LEPROTL1: variants seen among roughly 807,000 people sequenced by gnomAD.
LEPROTL1 encodes the protein leptin receptor overlapping transcript-like 1.
LEPROTL1 carries 6 observed loss-of-function variants against 15.4 expected under a neutral mutation model. That is an observed-to-expected ratio of 0.39 (90% CI 0.21 to 0.77). The LOEUF (loss-of-function observed/expected upper bound fraction) is 0.77. LEPROTL1 is among the 30% of genes least tolerant of loss of function. LEPROTL1 has a pLI of 0.41. For synonymous variants in LEPROTL1, 56 were observed against 52.6 expected (o/e 1.06, Z -0.28); for missense variants, 128 against 158.1 (o/e 0.81, Z 1.02).
At chr8:30,095,663 C>T in intron 1 of LEPROTL1, 135 bp downstream of exon 1, 2 of 744,694 alleles carry the variant, frequency 2.7e-6, no homozygotes, top group Non-Finnish European at 3.9e-6. Flanking sequence ...AAGCGACCCC[C>T]GCCCCGGCCC....
chr8:30,102,894 C>T (rs953856652), intron 2 of LEPROTL1, among the ~76,000 whole-genome samples: 2 of 152,018 alleles, frequency 1.3e-5, no homozygotes, highest in Non-Finnish European at 2.9e-5. Context: ...GGGGGGAGTA[C>T]ACATAGATAG....
intron 2 of LEPROTL1, among the ~76,000 whole-genome samples, chr8:30,103,468 C>T (rs1265357217): frequency 2.0e-5 from 3 of 152,064 alleles, no homozygotes; most frequent in African/African-American, 4.8e-5. Context: ...TGGTCAGGCG[C>T]AGTGGCTCAT....
intron 4 of LEPROTL1, chr8:30,132,743 G>A (rs142642163): frequency 6.4e-7 from 1 of 1,551,728 alleles, no homozygotes; most frequent in East Asian, 2.4e-5. Flanking sequence ...GGGAAAAAGA[G>A]CAAGTAGCTG....
In LEPROTL1 at chr8:30,105,919, G is replaced by T. The variant is rs73669623; in HGVS notation, c.*57G>T. Reference sequence around the variant, plus strand: ...TTCCTGTCATTTGTTGGCCATTCACGCACACAGGAGATGGGGCAGTTAATG... The same window carrying T: ...TTCCTGTCATTTGTTGGCCATTCACTCACACAGGAGATGGGGCAGTTAATG... On this transcript the variant is annotated 3_prime_UTR_variant, in exon 4 of 4. Coordinates refer to ENST00000321250, the MANE Select transcript of LEPROTL1 (RefSeq NM_015344.3). 2.1e-6 allele frequency: 3 copies of T among 1,421,620 alleles called. No individual in the cohort carries two copies. The South Asian group carries it at 4.7e-5, about 22-fold the overall frequency. The allele number at this position is 1,421,620 out of a possible 1,614,324, so 88.1% of individuals were successfully genotyped here.
intron 3 of LEPROTL1, among the ~76,000 whole-genome samples, chr8:30,120,963 A>G (rs1802819889): frequency 6.6e-6 from 1 of 152,146 alleles, no homozygotes. Flanking sequence ...TCGCATGACA[A>G]ACTCTACTCC....
chr8:30,127,168 G>A (rs1235536240), intron 3 of LEPROTL1, among the ~76,000 whole-genome samples: 1 of 152,170 alleles, frequency 6.6e-6, no homozygotes, highest in Non-Finnish European at 1.5e-5. Flanking sequence ...CTCTTAGAAA[G>A]GCTAATGCTA....
At chr8:30,099,785 GA>G (rs1238363399) in intron 1 of LEPROTL1, among the ~76,000 whole-genome samples, 1 of 124,706 alleles carries the variant, frequency 8.0e-6, no homozygotes, top group African/African-American at 2.8e-5. Context: ...TTTCTTGAAT[GA>G]AAAAATGTCT....
exon 5 of LEPROTL1, chr8:30,137,399 C>T: frequency 1.9e-6 from 3 of 1,551,708 alleles, no homozygotes; most frequent in Non-Finnish European, 1.7e-6. Flanking sequence ...AGAGTGTCCA[C>T]TCAACCCGTG....
At chr8:30,097,696 T>TACACACACACAC (rs1470929284) in intron 1 of LEPROTL1, among the ~76,000 whole-genome samples, 9 of 108,952 alleles carry the variant, frequency 8.3e-5, no homozygotes, top group African/African-American at 2.7e-4. Context: ...TATATATATA[T>TACACACACACAC]ATACACACAC....
At chr8:30,116,436 C>G (rs1430173363) in intron 3 of LEPROTL1, among the ~76,000 whole-genome samples, 1 of 152,134 alleles carries the variant, frequency 6.6e-6, no homozygotes, top group Non-Finnish European at 1.5e-5. Context: ...GCATTAGATT[C>G]TCATAAGGAG....
intron 1 of LEPROTL1, 75 bp downstream of exon 1, chr8:30,095,603 C>A: frequency 5.0e-6 from 6 of 1,196,240 alleles, no homozygotes; most frequent in Non-Finnish European, 6.4e-6. Flanking sequence ...ACGCGGCCCC[C>A]GCACTTCCCC....
intron 1 of LEPROTL1, chr8:30,096,394 T>C (rs977956489): frequency 9.1e-6 from 9 of 985,302 alleles, no homozygotes; most frequent in Non-Finnish European, 9.6e-6. Flanking sequence ...CCTGCCGCTC[T>C]GTAGAAGGGC....
intron 4 of LEPROTL1, among the ~76,000 whole-genome samples, chr8:30,134,511 G>C (rs866415179): frequency 6.6e-6 from 1 of 151,518 alleles, no homozygotes; most frequent in Non-Finnish European, 1.5e-5. Flanking sequence ...TATTCCCACT[G>C]TAATGCCCAA....
chr8:30,105,384 C>G (rs191655590), intron 3 of LEPROTL1, among the ~76,000 whole-genome samples: 12 of 152,072 alleles, frequency 7.9e-5, no homozygotes, highest in Admixed American at 1.3e-4. Flanking sequence ...TAAACAGAAA[C>G]TTGTAGAATT....
Position 30,107,399 on chromosome 8 carries a change from C to T in LEPROTL1, c.*1537C>T, listed in dbSNP as rs1802585500. The T allele has an allele frequency of 2.0e-6, 2 of 985,414 alleles. No homozygotes were observed. Among genetic ancestry groups the T allele is most frequent in the African/African-American group, 1.7e-5 (1 of 57,228 alleles). 61.0% of individuals were successfully genotyped at this position (985,414 alleles called of 1,614,324 possible). On this transcript the variant is annotated 3_prime_UTR_variant, in exon 4 of 4. Coordinates refer to ENST00000321250, the MANE Select transcript of LEPROTL1 (RefSeq NM_015344.3). ...TTTGTTTGTATGTTTATTCAGTATA[C>T]TTACATAAAAATTATTTCGCCATCA...
At chr8:30,137,986 A>G (rs1803184039), downstream of LEPROTL1, 1 of 180,128 alleles carries the variant, frequency 5.6e-6, no homozygotes, top group Admixed American at 5.4e-5. Context: ...TACTACCCAG[A>G]CCGATAAACT....
chr8:30,115,569 T>G (rs1451285177), intron 3 of LEPROTL1, among the ~76,000 whole-genome samples: 5 of 42,808 alleles, frequency 1.2e-4, no homozygotes, highest in Non-Finnish European at 2.8e-4. Context: ...TTTTTTTTTG[T>G]AGAGACGGGG....
At chr8:30,103,700 C>A (rs1802508753) in intron 2 of LEPROTL1, among the ~76,000 whole-genome samples, 1 of 151,104 alleles carries the variant, frequency 6.6e-6, no homozygotes, top group Admixed American at 6.6e-5. Flanking sequence ...CGAGATCATG[C>A]CACTGCACTC....
chr8:30,108,402 ACTT>A lies in LEPROTL1; in HGVS notation c.*2544_*2546del, dbSNP rs1442166484. On this transcript the variant is annotated 3_prime_UTR_variant, in exon 4 of 4. Transcript: ENST00000321250. ...CTTAAATTTTCAGAACATTTTTATG[ACTT>A]CTTATTATGTATTTATTACCACTCA... 2.0e-5 allele frequency: 3 copies of A among 152,158 alleles called. No individual in the cohort carries two copies. Among genetic ancestry groups the A allele is most frequent in the Admixed American group, 6.5e-5 (1 of 15,272 alleles). The allele number at this position is 152,158 out of a possible 1,614,324, so 9.4% of individuals were successfully genotyped here.
Sources: gnomAD v4.1 joint callset for allele counts (sites outside exome capture counted in the v4.1 genomes callset) on GRCh38, gnomAD v4.1.1 for gene constraint, MANE v1.5 for transcripts, NCBI Gene and HGNC (gene_info 2026-07-23, HGNC 2026-07-21) for gene names.